FMN1: variants seen among roughly 807,000 people sequenced by gnomAD.
The protein encoded by FMN1 is formin-1.
In FMN1, 110 loss-of-function variants were observed where a neutral mutation model predicts 132.4. The observed-to-expected ratio is 0.83, with a 90% CI of 0.71 to 0.97. FMN1 has a LOEUF of 0.97. Ranked by LOEUF, FMN1 falls within the 50% of genes least tolerant of loss-of-function variation. The pLI, the probability that FMN1 is intolerant of heterozygous loss-of-function variation, is 0.00. For synonymous variants in FMN1, 722 were observed against 651.7 expected (o/e 1.11, Z -1.64); for missense variants, 1,792 against 1,705.3 (o/e 1.05, Z -0.90).
chr15:33,072,738 C>T (rs994708728), intron 5 of FMN1, among the ~76,000 whole-genome samples: 1 of 152,122 alleles, frequency 6.6e-6, no homozygotes, highest in Non-Finnish European at 1.5e-5. Context: ...GCCTGGCCAA[C>T]ATGGCGAAAT....
chr15:33,079,736 CATG>C (rs979205877), intron 5 of FMN1, among the ~76,000 whole-genome samples: 3 of 152,216 alleles, frequency 2.0e-5, no homozygotes, highest in Non-Finnish European at 2.9e-5. Context: ...TCTATTTAAA[CATG>C]ATAACCATCC....
chr15:33,104,435 T>C (rs150472371), intron 4 of FMN1, among the ~76,000 whole-genome samples: 3,042 of 152,248 alleles, frequency 0.02, 61 homozygotes, highest in South Asian at 0.092. Flanking sequence ...ATTTTCTTTT[T>C]ATTTGAAATG....
intron 19 of FMN1, among the ~76,000 whole-genome samples, chr15:32,792,631 G>A (rs2057128579): frequency 6.6e-6 from 1 of 152,134 alleles, no homozygotes; most frequent in African/African-American, 2.4e-5. Context: ...ATGGCTCCCA[G>A]CTAAGCCTAC....
At chr15:33,119,674 A>C (rs1962368946) in intron 4 of FMN1, among the ~76,000 whole-genome samples, 1 of 152,254 alleles carries the variant, frequency 6.6e-6, no homozygotes, top group Non-Finnish European at 1.5e-5. Flanking sequence ...TTTTCAGTTA[A>C]ACACAAAACT....
Position 33,153,246 on chromosome 15 carries a change from T to C in FMN1, c.1669A>G (p.Arg557Gly), listed in dbSNP as rs1566955020. ...CACCCAGAGAAGACACGGCTCTTTC[T>C]ACAAGGAGAGTCATTAAGAGCAGCT... The part of the protein sequence containing the change: ...REAALNDSPC[R>G]KSRVFSGCVS... Residue 557 changes from arginine (R) to glycine (G), a missense_variant, in exon 4 of 21, where the codon AGA becomes GGA. Transcript: ENST00000616417. The C allele has an allele frequency of 6.5e-7, 1 of 1,536,026 alleles. No individual in the cohort carries two copies. Among genetic ancestry groups the C allele is most frequent in the Non-Finnish European group, 8.7e-7 (1 of 1,146,926 alleles).
At chr15:33,117,067 T>C (rs1056464906) in intron 4 of FMN1, among the ~76,000 whole-genome samples, 1 of 152,098 alleles carries the variant, frequency 6.6e-6, no homozygotes, top group Non-Finnish European at 1.5e-5. Context: ...CTGAGAAATA[T>C]CCTATTTGAA....
At chr15:33,163,587 C>G (rs1055518917) in intron 3 of FMN1, among the ~76,000 whole-genome samples, 2 of 131,918 alleles carry the variant, frequency 1.5e-5, no homozygotes, top group African/African-American at 3.2e-5. Flanking sequence ...AGCTACCATG[C>G]CTGGCTGTTT....
At chr15:32,816,768 C>T (rs936780170) in intron 17 of FMN1, among the ~76,000 whole-genome samples, 9 of 152,164 alleles carry the variant, frequency 5.9e-5, no homozygotes, top group African/African-American at 1.9e-4. Context: ...ACCATTGTCA[C>T]GGATAAGTTA....
chr15:32,834,448 T>A (rs2058576475), intron 17 of FMN1, among the ~76,000 whole-genome samples: 1 of 152,152 alleles, frequency 6.6e-6, no homozygotes, highest in South Asian at 2.1e-4. Context: ...CCTTTCACAT[T>A]TCAAGCTGCC....
chr15:32,954,712 T>C (rs1026498441), intron 9 of FMN1, among the ~76,000 whole-genome samples: 1 of 152,106 alleles, frequency 6.6e-6, no homozygotes, highest in Non-Finnish European at 1.5e-5. Context: ...TATCAAGTAA[T>C]TAACAACACA....
intron 17 of FMN1, among the ~76,000 whole-genome samples, chr15:32,818,020 T>C (rs1239437249): frequency 6.6e-6 from 1 of 152,212 alleles, no homozygotes; most frequent in Non-Finnish European, 1.5e-5. Context: ...TGTAGAACAT[T>C]TGAGAAAGAT....
intron 6 of FMN1, among the ~76,000 whole-genome samples, chr15:33,048,645 A>AAAAAAAAAAAAAAAAAAAAAC (rs1566865413): frequency 1.2e-5 from 1 of 83,130 alleles, no homozygotes. Flanking sequence ...AAAAAAAAAA[A>AAAAAAAAAAAAAAAAAAAAAC]AAAACCAACA....
At chr15:33,125,704 CA>C (rs58963131) in intron 4 of FMN1, among the ~76,000 whole-genome samples, 82,999 of 144,162 alleles carry the variant, frequency 0.58, 23,567 homozygotes, top group African/African-American at 0.66. Context: ...TCAGGTGTCT[CA>C]AAAAAAAAAA....
chr15:32,973,081 G>A (rs1259063860), intron 7 of FMN1, among the ~76,000 whole-genome samples: 1 of 152,046 alleles, frequency 6.6e-6, no homozygotes, highest in African/African-American at 2.4e-5. Flanking sequence ...GCATTTTCTT[G>A]ACTCAAATTC....
intron 3 of FMN1, among the ~76,000 whole-genome samples, chr15:33,169,740 C>CA (rs1491349832): frequency 8.5e-6 from 1 of 117,910 alleles, no homozygotes; most frequent in Non-Finnish European, 1.8e-5. Flanking sequence ...TTTTCTTTTC[C>CA]TTTTTTTTTT....
chr15:32,828,752 A>T (rs572168201), intron 17 of FMN1, among the ~76,000 whole-genome samples: 3 of 152,342 alleles, frequency 2.0e-5, no homozygotes, highest in African/African-American at 7.2e-5. Flanking sequence ...TAACCAAATC[A>T]TATTTTTTTA....
At chr15:32,949,501 T>C (rs770636510) in intron 9 of FMN1, among the ~76,000 whole-genome samples, 3 of 152,134 alleles carry the variant, frequency 2.0e-5, no homozygotes, top group Non-Finnish European at 4.4e-5. Context: ...GCTAGCCATA[T>C]GGAGAAGACT....
chr15:32,773,999 CT>C lies in FMN1; in HGVS notation c.*310del. ...TTGGTTATAAAGCTGGAAATCTCAG[CT>C]TTTAAAAAAATTTTGGAAACATTTT... is the stretch of plus-strand genomic sequence containing the variant. On this transcript the variant is annotated 3_prime_UTR_variant, in exon 21 of 21. Transcript: ENST00000616417. 1 of 367,800 alleles carries C rather than the reference CT, an allele frequency of 2.7e-6. No individual in the cohort carries two copies. The highest frequency in any genetic ancestry group is 6.4e-5 in the East Asian group (1 of 15,508). 22.8% of individuals were successfully genotyped at this position (367,800 alleles called of 1,614,324 possible). A position where few individuals can be genotyped will look rare whatever the true frequency, so the allele number is the denominator to read the frequency against.
At chr15:33,070,959 G>A (rs1251197933) in intron 5 of FMN1, among the ~76,000 whole-genome samples, 1 of 152,162 alleles carries the variant, frequency 6.6e-6, no homozygotes, top group African/African-American at 2.4e-5. Flanking sequence ...AGTATAATGT[G>A]AATCCATGCA....
Sources: gnomAD v4.1 joint callset for allele counts (sites outside exome capture counted in the v4.1 genomes callset) on GRCh38, gnomAD v4.1.1 for gene constraint, MANE v1.5 for transcripts, NCBI Gene and HGNC (gene_info 2026-07-23, HGNC 2026-07-21) for gene names.